SEPTIN7: variants seen among roughly 807,000 people sequenced by gnomAD.
SEPTIN7 encodes the protein septin-7.
SEPTIN7 carries 10 observed loss-of-function variants against 63.3 expected under a neutral mutation model. The ratio of observed to expected loss-of-function variants is 0.16; its 90% CI spans 0.10 to 0.27. The LOEUF (loss-of-function observed/expected upper bound fraction) is 0.27. SEPTIN7 is among the 10% of genes least tolerant of loss of function. The pLI is 1.00. For synonymous variants in SEPTIN7, 131 were observed against 165.3 expected, an observed-to-expected ratio of 0.79 and a Z score of 1.59; for missense variants, 310 against 521.0, an observed-to-expected ratio of 0.59 and a Z score of 3.94.
At chr7:35,893,659 C>G (rs916227289) in intron 11 of SEPTIN7, among the ~76,000 whole-genome samples, 8 of 152,108 alleles carry the variant, frequency 5.3e-5, no homozygotes, top group Non-Finnish European at 1.2e-4. Context: ...ATTTAATTTT[C>G]TGAGGTAGTT....
At position 35,907,037 on chromosome 7, in the gene SEPTIN7, G is replaced by A. The variant is rs1470284177; in HGVS notation, c.*2744G>A. 4 of 152,210 alleles carry A rather than the reference G, an allele frequency of 2.6e-5. No individual in the cohort carries two copies. The highest frequency in any genetic ancestry group is 6.5e-5 in the Admixed American group (1 of 15,282). 9.4% of individuals were successfully genotyped at this position (152,210 alleles called of 1,614,324 possible). On this transcript the variant is annotated 3_prime_UTR_variant, in exon 14 of 14. Transcript: ENST00000350320. ...ACAATGAAAATATGTGTCAACAAAT[G>A]TACTGCTACACTAATGTGAACATTA...
downstream of SEPTIN7, among the ~76,000 whole-genome samples, chr7:35,910,943 C>A (rs992231768): frequency 6.6e-6 from 1 of 152,160 alleles, no homozygotes; most frequent in Non-Finnish European, 1.5e-5. Context: ...CAGGCCAGAA[C>A]CAGCAGTCGA....
At chr7:35,856,216 A>G (rs1257639092) in intron 3 of SEPTIN7, among the ~76,000 whole-genome samples, 1 of 152,266 alleles carries the variant, frequency 6.6e-6, no homozygotes, top group Non-Finnish European at 1.5e-5. Context: ...TTATAGAATT[A>G]TAATAATGGA....
chr7:35,832,459 G>A (rs1783878371), intron 2 of SEPTIN7, among the ~76,000 whole-genome samples: 1 of 151,968 alleles, frequency 6.6e-6, no homozygotes, highest in Non-Finnish European at 1.5e-5. Context: ...TTTTTTTATT[G>A]TGAAGAATCC....
intron 3 of SEPTIN7, chr7:35,838,491 T>TC (rs1171816558): frequency 6.7e-6 from 1 of 150,132 alleles, no homozygotes; most frequent in Non-Finnish European, 1.5e-5. Context: ...CCCCTCAGCC[T>TC]CCCAAGTAGC....
rs557609377 is a variant in SEPTIN7, at chr7:35,856,270, C to T, written c.170-7282C>T. 5.3e-5 allele frequency among the ~76,000 whole-genome samples: 8 copies of T among 152,290 alleles called. No homozygotes were observed. In the South Asian group the frequency reaches 6.2e-4, roughly 12 times the overall value. On this transcript the variant is annotated intron_variant, in intron 3 of 13. Coordinates refer to ENST00000350320, the MANE Select transcript of SEPTIN7 (RefSeq NM_001788.6). Reference sequence around the variant, plus strand: ...TTTTTAGATTGGCTTCTTTCGCTCACCAGCGTACATTGGTCTCTGTCTTTT... The same window carrying T: ...TTTTTAGATTGGCTTCTTTCGCTCATCAGCGTACATTGGTCTCTGTCTTTT...
chr7:35,877,544 T>C (rs1786548712), intron 6 of SEPTIN7, among the ~76,000 whole-genome samples: 1 of 152,232 alleles, frequency 6.6e-6, no homozygotes, highest in Non-Finnish European at 1.5e-5. Context: ...GACCTTTATT[T>C]CATTTTTCTC....
intron 6 of SEPTIN7, among the ~76,000 whole-genome samples, chr7:35,878,586 T>G (rs1024148867): frequency 1.3e-5 from 2 of 152,202 alleles, no homozygotes; most frequent in Admixed American, 6.5e-5. Flanking sequence ...CATGTTATAG[T>G]TATTCATTCC....
chr7:35,845,239 A>G (rs938305690), intron 3 of SEPTIN7, among the ~76,000 whole-genome samples: 3 of 152,108 alleles, frequency 2.0e-5, no homozygotes, highest in Admixed American at 1.3e-4. Flanking sequence ...TATATATATT[A>G]TATATGTAAA....
At chr7:35,913,402 T>TC in the SEPTIN7 span, among the ~76,000 whole-genome samples, 1 of 151,630 alleles carries the variant, frequency 6.6e-6, no homozygotes, top group Non-Finnish European at 1.5e-5. Context: ...TCTTTCTTTC[T>TC]TTCTCTTTCT....
chr7:35,829,401 T>A (rs1783707720), intron 1 of SEPTIN7, among the ~76,000 whole-genome samples: 1 of 152,078 alleles, frequency 6.6e-6, no homozygotes, highest in South Asian at 2.1e-4. Flanking sequence ...CTCGGCTTTC[T>A]TTTTACTCTT....
chr7:35,832,098 C>A (rs142182468), intron 2 of SEPTIN7: 2 of 453,190 alleles, frequency 4.4e-6, no homozygotes, highest in African/African-American at 2.0e-5. Context: ...CAGTTACTCA[C>A]GAAACTATTG....
intron 9 of SEPTIN7, among the ~76,000 whole-genome samples, chr7:35,885,584 A>G (rs1257466723): frequency 1.3e-5 from 2 of 152,154 alleles, no homozygotes; most frequent in African/African-American, 4.8e-5. Context: ...TTGTTTCTGG[A>G]GAGTTCATTT....
chr7:35,910,747 CATT>C (rs1788727237), downstream of SEPTIN7, among the ~76,000 whole-genome samples: 1 of 152,176 alleles, frequency 6.6e-6, no homozygotes, highest in Non-Finnish European at 1.5e-5. Flanking sequence ...CTGAATCTAG[CATT>C]ATTAACTTCA....
At chr7:35,864,781 G>A (rs1280641646) in intron 4 of SEPTIN7, among the ~76,000 whole-genome samples, 1 of 152,124 alleles carries the variant, frequency 6.6e-6, no homozygotes, top group Admixed American at 6.5e-5. Context: ...TAGGACATGA[G>A]CAGAGAGGAG....
At chr7:35,890,920 G>A in intron 11 of SEPTIN7, 127 bp downstream of exon 11, 1 of 747,542 alleles carries the variant, frequency 1.3e-6, no homozygotes, top group Non-Finnish European at 1.9e-6. Flanking sequence ...ATGCACAGCA[G>A]CATAAATTTA....
At chr7:35,876,797 C>T (rs776552186) in intron 6 of SEPTIN7, among the ~76,000 whole-genome samples, 8 of 152,098 alleles carry the variant, frequency 5.3e-5, no homozygotes, top group Non-Finnish European at 1.0e-4. Context: ...GGTGAAACCT[C>T]GTCTCTACTA....
At chr7:35,858,753 T>C (rs1785347661) in intron 3 of SEPTIN7, among the ~76,000 whole-genome samples, 1 of 151,182 alleles carries the variant, frequency 6.6e-6, no homozygotes, top group Non-Finnish European at 1.5e-5. Flanking sequence ...CGATCTCGGC[T>C]CACTGCAACC....
rs1415602773 is a variant in SEPTIN7 at position 35,906,583 on chromosome 7, A to G, written c.*2290A>G. ...AGTGGGGCTGAACAAGTAAGCACTA[A>G]TAATACCAGTGAACCACTTGGGCAC... On this transcript the variant is annotated 3_prime_UTR_variant, in exon 14 of 14. Coordinates refer to ENST00000350320, the MANE Select transcript of SEPTIN7 (RefSeq NM_001788.6). The G allele has an allele frequency of 2.0e-5, 3 of 152,218 alleles. No homozygotes were observed. Among genetic ancestry groups the G allele is most frequent in the Non-Finnish European group, 2.9e-5 (2 of 68,052 alleles). The allele number at this position is 152,218 out of a possible 1,614,324, so 9.4% of individuals were successfully genotyped here.
Sources: allele counts gnomAD v4.1 joint callset (sites outside exome capture counted in the v4.1 genomes callset), GRCh38; gene constraint gnomAD v4.1.1; transcripts MANE v1.5; gene names NCBI Gene and HGNC (gene_info 2026-07-23, HGNC 2026-07-21).